LYPD6: variants seen among roughly 807,000 people sequenced by gnomAD.
LYPD6 encodes LY6/PLAUR domain containing 6.
Under a neutral mutation model 22.7 loss-of-function variants are expected in LYPD6, and 15 were observed. The ratio of observed to expected loss-of-function variants is 0.66; its 90% CI spans 0.44 to 1.02. LYPD6 has a LOEUF of 1.02. Among genes scored for constraint, LYPD6 ranks in the 50% least tolerant of loss-of-function variants. The pLI, the probability that LYPD6 is intolerant of heterozygous loss-of-function variation, is 0.00. For missense variants in LYPD6, 189 were observed against 208.4 expected (o/e 0.91, Z 0.57); for synonymous variants, 72 against 77.5 (o/e 0.93, Z 0.37).
At position 149,441,586 on chromosome 2, in the gene LYPD6, A is replaced by G. The variant is rs1683569363; in HGVS notation, c.118+3760A>G. Reference sequence around the variant, plus strand: ...GAAACTTCATGGCTTTCAAACCTGAAGCACTGTCGTCAATAATGTTCTTTT... The same window carrying G: ...GAAACTTCATGGCTTTCAAACCTGAGGCACTGTCGTCAATAATGTTCTTTT... On this transcript the variant is annotated intron_variant, in intron 2 of 4. Transcript: ENST00000334166. 2.0e-5 allele frequency among the ~76,000 whole-genome samples: 3 copies of G among 152,248 alleles called. No homozygotes were observed. The South Asian group carries it at 6.2e-4, about 32-fold the overall frequency.
At chr2:149,456,324 G>A (rs544815435) in intron 3 of LYPD6, among the ~76,000 whole-genome samples, 3 of 152,118 alleles carry the variant, frequency 2.0e-5, no homozygotes, top group African/African-American at 7.2e-5. Context: ...TAGCATGATG[G>A]ACTTTCACAA....
chr2:149,481,521 A>T, the LYPD6 span, among the ~76,000 whole-genome samples: 1 of 152,160 alleles, frequency 6.6e-6, no homozygotes, highest in African/African-American at 2.4e-5. Context: ...TCCTTGAAGC[A>T]TTATTTGTAA....
intron 1 of LYPD6, among the ~76,000 whole-genome samples, chr2:149,407,938 T>A (rs1445875518): frequency 6.6e-6 from 1 of 152,194 alleles, no homozygotes; most frequent in East Asian, 1.9e-4. Context: ...TGTTTGTTAG[T>A]TTTCCTTCTA....
intron 3 of LYPD6, among the ~76,000 whole-genome samples, chr2:149,468,395 A>T (rs1322228228): frequency 6.6e-6 from 1 of 152,174 alleles, no homozygotes; most frequent in African/African-American, 2.4e-5. Flanking sequence ...GCAAGGAGAA[A>T]CCATTGTGTC....
Position 149,463,275 on chromosome 2 carries a change from C to A in LYPD6, c.218-5370C>A, listed in dbSNP as rs149729873. On this transcript the variant is annotated intron_variant, in intron 3 of 4. Coordinates refer to ENST00000334166, the MANE Select transcript of LYPD6 (RefSeq NM_194317.5). ...AAGATAACCAGATGGCAAATAAACA[C>A]ATGAAAACATTTAACATCATTAGCC... is the stretch of plus-strand genomic sequence containing the variant. Among the ~76,000 whole-genome samples, 549 of 152,160 alleles carry A rather than the reference C, an allele frequency of 3.6e-3. 4 individuals carry two copies. Among genetic ancestry groups the A allele is most frequent in the African/African-American group, 0.013 (521 of 41,532 alleles).
At position 149,360,640 on chromosome 2, in the gene LYPD6, G is replaced by A. The variant is rs139972295; in HGVS notation, c.-72+29918G>A. Among the ~76,000 whole-genome samples the A allele has an allele frequency of 5.4e-4, 81 of 149,110 alleles. No homozygotes were observed. In the East Asian group the frequency reaches 0.016, roughly 29 times the overall value. The stretch of plus-strand genomic sequence containing the variant: ...TTTTTTTTCCCTCTGGACTATTGAA[G>A]TAGCTTTTAAATTGGGTTCTGCCTT... On this transcript the variant is annotated intron_variant, in intron 1 of 4. Transcript: ENST00000334166.
intron 1 of LYPD6, among the ~76,000 whole-genome samples, chr2:149,404,690 T>C (rs1012404082): frequency 9.9e-5 from 15 of 152,226 alleles, no homozygotes; most frequent in African/African-American, 3.6e-4. Context: ...CAGGGACAAT[T>C]TGACTTCCTC....
At chr2:149,432,348 A>G (rs775871151) in intron 1 of LYPD6, among the ~76,000 whole-genome samples, 3 of 152,240 alleles carry the variant, frequency 2.0e-5, no homozygotes, top group Admixed American at 6.5e-5. Flanking sequence ...AAATCACCCA[A>G]TGTCTATCAT....
At chr2:149,419,422 C>T (rs1298979879) in intron 1 of LYPD6, among the ~76,000 whole-genome samples, 2 of 152,186 alleles carry the variant, frequency 1.3e-5, no homozygotes, top group African/African-American at 4.8e-5. Context: ...ATTAAGAACT[C>T]TACTGTCCAG....
intron 3 of LYPD6, among the ~76,000 whole-genome samples, chr2:149,454,020 C>T (rs1680896631): frequency 6.6e-6 from 1 of 152,184 alleles, no homozygotes; most frequent in African/African-American, 2.4e-5. Context: ...CTGGAGAATT[C>T]ATTTGTAATT....
chr2:149,334,113 GTAAAGA>G (rs1313199178), intron 1 of LYPD6, among the ~76,000 whole-genome samples: 5 of 152,044 alleles, frequency 3.3e-5, no homozygotes, highest in African/African-American at 4.8e-5. Flanking sequence ...CATAGGGAAA[GTAAAGA>G]AAAGAAAAAG....
chr2:149,350,236 T>C (rs1198060450), intron 1 of LYPD6, among the ~76,000 whole-genome samples: 1 of 152,222 alleles, frequency 6.6e-6, no homozygotes, highest in Non-Finnish European at 1.5e-5. Context: ...TATGTAAGAA[T>C]CAGGTATTGT....
At chr2:149,343,582 C>T (rs1681201189) in intron 1 of LYPD6, among the ~76,000 whole-genome samples, 1 of 152,124 alleles carries the variant, frequency 6.6e-6, no homozygotes, top group African/African-American at 2.4e-5. Context: ...CATACTCTTC[C>T]AGTAGGCAAG....
At chr2:149,449,235 T>C in intron 3 of LYPD6, 88 bp downstream of exon 3, 1 of 797,230 alleles carries the variant, frequency 1.3e-6, no homozygotes, top group South Asian at 1.7e-5. Flanking sequence ...AAGAGAGGCA[T>C]GCTTGCAATC....
At chr2:149,460,252 A>G (rs1486836654) in intron 3 of LYPD6, among the ~76,000 whole-genome samples, 1 of 152,200 alleles carries the variant, frequency 6.6e-6, no homozygotes, top group Non-Finnish European at 1.5e-5. Context: ...AATATGTTAA[A>G]CCATGACCCA....
chr2:149,369,365 C>G (rs1448186404), intron 1 of LYPD6, among the ~76,000 whole-genome samples: 2 of 152,274 alleles, frequency 1.3e-5, no homozygotes, highest in East Asian at 3.9e-4. Context: ...TTCCCTTTTT[C>G]TGTCTAAAAA....
At chr2:149,383,716 C>A (rs1043339884) in intron 1 of LYPD6, among the ~76,000 whole-genome samples, 1 of 152,158 alleles carries the variant, frequency 6.6e-6, no homozygotes, top group Non-Finnish European at 1.5e-5. Context: ...TATAACTTTT[C>A]AATTTAAAGC....
At chr2:149,442,032 G>A (rs1224252215) in intron 2 of LYPD6, among the ~76,000 whole-genome samples, 1 of 152,066 alleles carries the variant, frequency 6.6e-6, no homozygotes, top group Non-Finnish European at 1.5e-5. Flanking sequence ...TTTCTAGGAA[G>A]GTACCAGATA....
intron 1 of LYPD6, among the ~76,000 whole-genome samples, chr2:149,422,746 T>C (rs1380306828): frequency 6.6e-6 from 1 of 152,082 alleles, no homozygotes; most frequent in African/African-American, 2.4e-5. Flanking sequence ...TTGACCAACG[T>C]CTCCCATCTA....
Sources: allele counts gnomAD v4.1 joint callset (sites outside exome capture counted in the v4.1 genomes callset), GRCh38; gene constraint gnomAD v4.1.1; transcripts MANE v1.5; gene names NCBI Gene and HGNC (gene_info 2026-07-23, HGNC 2026-07-21).